The following RARB variants were observed in gnomAD, a reference collection of about 807,000 sequenced individuals.
The protein encoded by RARB is HBV-activated protein.
A neutral mutation model predicts 51.9 loss-of-function variants in RARB; 17 were observed. That is an observed-to-expected ratio of 0.33 (90% CI 0.22 to 0.49). The LOEUF (loss-of-function observed/expected upper bound fraction) is 0.49, where lower values mean the gene tolerates loss of function less well. Ranked by LOEUF, RARB falls within the 20% of genes least tolerant of loss-of-function variation. The pLI, the probability that RARB is intolerant of heterozygous loss-of-function variation, is 0.99. For synonymous variants in RARB, 215 were observed against 195.4 expected (o/e 1.10, Z -0.84); for missense variants, 369 against 550.8 (o/e 0.67, Z 3.30).
intron 2 of RARB, among the ~76,000 whole-genome samples, chr3:24,931,766 C>G (rs1695445383): frequency 6.6e-6 from 1 of 151,768 alleles, no homozygotes. Context: ...TAGACTTGAG[C>G]AGTGCCACTG....
At chr3:25,443,368 G>C (rs952529344) in intron 1 of RARB, among the ~76,000 whole-genome samples, 10 of 152,048 alleles carry the variant, frequency 6.6e-5, no homozygotes, top group South Asian at 6.2e-4. Context: ...TTTTCTGATG[G>C]TACTTCCTGT....
At chr3:25,311,103 T>A (rs1314302620) in intron 5 of RARB, among the ~76,000 whole-genome samples, 2 of 152,172 alleles carry the variant, frequency 1.3e-5, no homozygotes, top group Non-Finnish European at 2.9e-5. Flanking sequence ...ATTAGTGCAA[T>A]CAAGGAAGGC....
At chr3:25,225,504 C>A (rs1702037690) in intron 5 of RARB, among the ~76,000 whole-genome samples, 1 of 152,144 alleles carries the variant, frequency 6.6e-6, no homozygotes, top group Non-Finnish European at 1.5e-5. Context: ...AAATGGAACT[C>A]AGCATCATTG....
At chr3:25,240,186 A>G (rs1702398162) in intron 5 of RARB, among the ~76,000 whole-genome samples, 1 of 151,686 alleles carries the variant, frequency 6.6e-6, no homozygotes, top group African/African-American at 2.4e-5. Flanking sequence ...TGTTTTATGT[A>G]TCCTGCAACT....
intron 5 of RARB, among the ~76,000 whole-genome samples, chr3:25,195,198 T>A (rs983357152): frequency 2.6e-5 from 4 of 151,990 alleles, no homozygotes; most frequent in African/African-American, 9.7e-5. Flanking sequence ...AAATTTTTTT[T>A]TTCCAAACAG....
chr3:24,942,571 T>A (rs1254241147), intron 2 of RARB, among the ~76,000 whole-genome samples: 16 of 152,202 alleles, frequency 1.1e-4, no homozygotes, highest in Admixed American at 1.0e-3. Context: ...AGCATGAACC[T>A]AGGAGTTCTG....
intron 2 of RARB, among the ~76,000 whole-genome samples, chr3:24,876,030 G>C (rs1703036922): frequency 1.3e-5 from 2 of 152,222 alleles, no homozygotes; most frequent in Non-Finnish European, 2.9e-5. Flanking sequence ...AATTTCTTGT[G>C]ATTGGGTTGA....
At chr3:24,933,904 C>T (rs1331560727) in intron 2 of RARB, among the ~76,000 whole-genome samples, 1 of 152,060 alleles carries the variant, frequency 6.6e-6, no homozygotes, top group African/African-American at 2.4e-5. Context: ...AATAGAGATG[C>T]ATTTGTATTT....
At chr3:24,982,588 A>C (rs879431973) in intron 2 of RARB, among the ~76,000 whole-genome samples, 169 of 152,310 alleles carry the variant, frequency 1.1e-3, no homozygotes, top group Non-Finnish European at 1.0e-3. Flanking sequence ...CCTGAGTAAT[A>C]CTTTCTTCTT....
At chr3:25,011,124 T>C (rs929856998) in intron 2 of RARB, among the ~76,000 whole-genome samples, 1 of 152,136 alleles carries the variant, frequency 6.6e-6, no homozygotes. Flanking sequence ...GCAGACAAGA[T>C]GCTAAGGTTG....
chr3:25,335,592 G>A (rs1489529708), intron 5 of RARB, among the ~76,000 whole-genome samples: 1 of 152,128 alleles, frequency 6.6e-6, no homozygotes, highest in South Asian at 2.1e-4. Flanking sequence ...CTGCCCTAGG[G>A]TAACTGCTAA....
At chr3:25,369,453 T>C (rs1451892168) in intron 5 of RARB, among the ~76,000 whole-genome samples, 1 of 152,204 alleles carries the variant, frequency 6.6e-6, no homozygotes, top group Non-Finnish European at 1.5e-5. Flanking sequence ...CTAGATTCTG[T>C]GGATAAGTCA....
intron 5 of RARB, among the ~76,000 whole-genome samples, chr3:25,307,448 C>T (rs554772319): frequency 6.6e-6 from 1 of 152,134 alleles, no homozygotes; most frequent in East Asian, 1.9e-4. Context: ...GATGTGATTG[C>T]ATGGTTACTG....
intron 3 of RARB, among the ~76,000 whole-genome samples, chr3:25,086,927 G>A (rs1429129343): frequency 6.6e-6 from 1 of 152,172 alleles, no homozygotes; most frequent in Admixed American, 6.6e-5. Flanking sequence ...AAAGGTGCCA[G>A]ACTCCTTACT....
intron 5 of RARB, among the ~76,000 whole-genome samples, chr3:25,212,306 G>A (rs927447073): frequency 3.9e-5 from 6 of 151,986 alleles, no homozygotes; most frequent in African/African-American, 1.2e-4. Context: ...TTCTATTTAC[G>A]TGACCTATGT....
chr3:25,387,590 C>T (rs1291788511), intron 5 of RARB, among the ~76,000 whole-genome samples: 1 of 152,076 alleles, frequency 6.6e-6, no homozygotes, highest in African/African-American at 2.4e-5. Flanking sequence ...GTCCCAGGCT[C>T]CCTCCCCACG....
chr3:25,052,029 C>A (rs1303702448), intron 2 of RARB, among the ~76,000 whole-genome samples: 1 of 152,124 alleles, frequency 6.6e-6, no homozygotes, highest in African/African-American at 2.4e-5. Context: ...CTCAGGGACC[C>A]AGGCTAATGG....
At chr3:25,404,885 GCTA>G (rs1418983317) in intron 5 of RARB, among the ~76,000 whole-genome samples, 1 of 152,050 alleles carries the variant, frequency 6.6e-6, no homozygotes, top group Non-Finnish European at 1.5e-5. Flanking sequence ...AAATTTACTC[GCTA>G]CTTTTTTTTC....
chr3:25,258,934 C>A, intron 5 of RARB: 2 of 537,300 alleles, frequency 3.7e-6, no homozygotes, highest in Non-Finnish European at 4.8e-6. Flanking sequence ...CTCTCAAAGG[C>A]ACTAACTTTC....
Sources: gnomAD v4.1 joint callset for allele counts (sites outside exome capture counted in the v4.1 genomes callset) on GRCh38, gnomAD v4.1.1 for gene constraint, MANE v1.5 for transcripts, NCBI Gene and HGNC (gene_info 2026-07-23, HGNC 2026-07-21) for gene names.